The following NMRAL1 variants were observed in gnomAD, a reference collection of about 807,000 sequenced individuals.
The protein encoded by NMRAL1 is NmrA like redox sensor 1, also known as nmrA-like family domain-containing protein 1.
Under a neutral mutation model 27.5 loss-of-function variants are expected in NMRAL1, and 32 were observed. The ratio of observed to expected loss-of-function variants is 1.16; its 90% CI spans 0.88 to 1.56. The LOEUF is 1.56. Ranked by LOEUF, NMRAL1 falls within the 40% of genes most tolerant of loss-of-function variation. The probability of loss-of-function intolerance (pLI) is 0.00; values close to 1 mark genes in which losing one functional copy is unlikely to be tolerated. For missense variants in NMRAL1, 420 were observed against 392.0 expected (o/e 1.07, Z -0.60); for synonymous variants, 166 against 166.8 (o/e 1.00, Z 0.04).
rs753803530 is a variant in NMRAL1, at chr16:4,466,372, G to C, written c.310C>G (p.Leu104Val). The C allele has an allele frequency of 6.2e-7, 1 of 1,613,100 alleles. No individual in the cohort carries two copies. The highest frequency in any genetic ancestry group is 8.5e-7 in the Non-Finnish European group (1 of 1,180,010). Reference sequence around the variant, plus strand: ...CTGTAGACCACATAGTGGAGGCCCAGGCGCCTGGCCAGATCAGCGAGCAGC... The same window carrying C: ...CTGTAGACCACATAGTGGAGGCCCACGCGCCTGGCCAGATCAGCGAGCAGC... ...GKLLADLARR[L>V]GLHYVVYSGL... The change falls in exon 4 of 6, where the codon CTG becomes GTG. Residue 104 changes from leucine to valine, a missense_variant. Physicochemically the swap from Leu to Val is conservative, Grantham distance 32. Coordinates refer to ENST00000283429, the MANE Select transcript of NMRAL1 (RefSeq NM_020677.6).
chr16:4,472,159 C>T (rs10438587), intron 2 of NMRAL1, among the ~76,000 whole-genome samples: 17,605 of 152,056 alleles, frequency 0.12, 2,136 homozygotes, highest in African/African-American at 0.3. Flanking sequence ...CATCCACTGA[C>T]GAATGGACAA....
At chr16:4,469,628 G>A in intron 2 of NMRAL1, 163 bp from the exon 3 acceptor site, 1 of 1,389,094 alleles carries the variant, frequency 7.2e-7, no homozygotes, top group South Asian at 1.5e-5. Context: ...TTATTTTTTT[G>A]AGATGGAGTC....
chr16:4,468,075 G>A (rs1231561399), intron 3 of NMRAL1, among the ~76,000 whole-genome samples: 1 of 150,704 alleles, frequency 6.6e-6, no homozygotes, highest in African/African-American at 2.4e-5. Flanking sequence ...CGAGGCAGGC[G>A]GATCGCCTGA....
chr16:4,473,981 C>A (rs2057709783), intron 2 of NMRAL1, 112 bp downstream of exon 2: 2 of 766,124 alleles, frequency 2.6e-6, no homozygotes, highest in African/African-American at 3.6e-5. Flanking sequence ...ACAGCCCCAA[C>A]CTGGGTCGGG....
At chr16:4,472,275 C>G (rs2057596803) in intron 2 of NMRAL1, among the ~76,000 whole-genome samples, 1 of 151,988 alleles carries the variant, frequency 6.6e-6, no homozygotes, top group African/African-American at 2.4e-5. Context: ...AACCCCGTCT[C>G]TACTAAAAAA....
At chr16:4,474,412 G>A in intron 1 of NMRAL1, 142 bp downstream of exon 1, 1 of 457,780 alleles carries the variant, frequency 2.2e-6, no homozygotes, top group South Asian at 2.7e-5. Context: ...GGTCCCACCG[G>A]CTGGAGTGAC....
chr16:4,470,387 T>C (rs1161499815), intron 2 of NMRAL1, among the ~76,000 whole-genome samples: 5 of 150,804 alleles, frequency 3.3e-5, no homozygotes, highest in African/African-American at 1.2e-4. Flanking sequence ...GGAGAATCGC[T>C]TGAACCCAGG....
At chr16:4,473,041 T>C (rs559637850) in intron 2 of NMRAL1, among the ~76,000 whole-genome samples, 17 of 141,812 alleles carry the variant, frequency 1.2e-4, no homozygotes, top group Non-Finnish European at 2.3e-4. Context: ...AGTGGCACAA[T>C]CAGGTCACTG....
At chr16:4,470,240 G>C (rs1000293974) in intron 2 of NMRAL1, among the ~76,000 whole-genome samples, 1 of 150,880 alleles carries the variant, frequency 6.6e-6, no homozygotes, top group Admixed American at 6.6e-5. Flanking sequence ...GAGGCCGAGG[G>C]GGGTAGATCA....
intron 5 of NMRAL1, chr16:4,463,332 G>C (rs1377419416): frequency 2.5e-6 from 1 of 406,834 alleles, no homozygotes; most frequent in Non-Finnish European, 4.4e-6. Context: ...ACAGGGGAGG[G>C]GTCGGGTCTA....
chr16:4,472,492 C>G (rs1027930584), intron 2 of NMRAL1, among the ~76,000 whole-genome samples: 3 of 151,930 alleles, frequency 2.0e-5, no homozygotes, highest in African/African-American at 7.3e-5. Flanking sequence ...AGCCTCTAAT[C>G]CCAGCACTTT....
chr16:4,467,392 C>G lies in NMRAL1; in HGVS notation c.280-990G>C, dbSNP rs549780570. On this transcript the variant is annotated intron_variant, in intron 3 of 5. Transcript: ENST00000283429. ...GGGACTACAGGTGCCCGCCACCATG[C>G]CTGGCTAATTTTTGTATTTTTTGTA... is the stretch of plus-strand genomic sequence containing the variant. 4.4e-3 allele frequency among the ~76,000 whole-genome samples: 676 copies of G among 151,978 alleles called. 5 individuals are homozygous for G. The highest frequency in any genetic ancestry group is 6.4e-3 in the Non-Finnish European group (433 of 67,990).
In NMRAL1 at chr16:4,466,158, AAGT is replaced by A. The variant is rs749284222; in HGVS notation, c.521_523del (p.Tyr174del). 1.2e-6 allele frequency: 2 copies of A among 1,614,166 alleles called. No homozygotes were observed. Among genetic ancestry groups the A allele is most frequent in the South Asian group, 2.2e-5 (2 of 91,082 alleles). On this transcript the variant is annotated inframe_deletion, in exon 4 of 6. Coordinates refer to ENST00000283429, the MANE Select transcript of NMRAL1 (RefSeq NM_020677.6). ...GTGCGAGAAAGGGCACTTACTCAGC[AAGT>A]AGCTCTTTCCGTCTGGGGCTTTCTG...
chr16:4,461,986 C>T (rs770499447), intron 5 of NMRAL1, 27 bp from the exon 6 acceptor site: 33 of 1,590,808 alleles, frequency 2.1e-5, no homozygotes, highest in Admixed American at 1.2e-4. Context: ...CTGTCGTGGC[C>T]GGCGTCCTCC....
Position 4,463,856 on chromosome 16 carries a change from G to A in NMRAL1, c.530-6C>T. The A allele has an allele frequency of 6.2e-7, 1 of 1,611,184 alleles. No homozygotes were observed. Among genetic ancestry groups the A allele is most frequent in the Non-Finnish European group, 8.5e-7 (1 of 1,178,080 alleles). ...AACGTCACCTGTGGGCAAGCCTGTG[G>A]GGCAGAGACGTGAGCTGGTATATGT... On this transcript the variant is annotated splice_polypyrimidine_tract_variant and splice_region_variant and intron_variant, in intron 4 of 5. Coordinates refer to ENST00000283429, the MANE Select transcript of NMRAL1 (RefSeq NM_020677.6).
At chr16:4,467,663 A>C (rs2057380048) in intron 3 of NMRAL1, among the ~76,000 whole-genome samples, 1 of 151,684 alleles carries the variant, frequency 6.6e-6, no homozygotes, top group Admixed American at 6.6e-5. Flanking sequence ...TCTGTCGCTC[A>C]GGCCGGAGTG....
Position 4,469,396 on chromosome 16 carries a change from C to T in NMRAL1, c.110G>A (p.Arg37Gln), listed in dbSNP as rs143521179. Residue 37 changes from arginine (R) to glutamine (Q), a missense_variant, in exon 3 of 6, where the codon CGA becomes CAA. Transcript: ENST00000283429. Reference sequence around the variant, plus strand: ...CTTTGCTGCCTTCTTCCTAGGGTTTCGGGTCACCACTCGAACCTTGAATGT... The same window carrying T: ...CTTTGCTGCCTTCTTCCTAGGGTTTTGGGTCACCACTCGAACCTTGAATGT... ...DGTFKVRVVT[R>Q]NPRKKAAKEL... 205 of 1,614,114 alleles carry T rather than the reference C, an allele frequency of 1.3e-4. No homozygotes were observed. Among genetic ancestry groups the T allele is most frequent in the Non-Finnish European group, 1.5e-4 (180 of 1,180,010 alleles).
At position 4,463,856 on chromosome 16, in the gene NMRAL1, G is replaced by C; in HGVS notation, c.530-6C>G. The C allele has an allele frequency of 6.2e-7, 1 of 1,611,184 alleles. No homozygotes were observed. The highest frequency in any genetic ancestry group is 1.3e-5 in the African/African-American group (1 of 74,980). On this transcript the variant is annotated splice_polypyrimidine_tract_variant and splice_region_variant and intron_variant, in intron 4 of 5. Coordinates refer to ENST00000283429, the MANE Select transcript of NMRAL1 (RefSeq NM_020677.6). ...AACGTCACCTGTGGGCAAGCCTGTG[G>C]GGCAGAGACGTGAGCTGGTATATGT...
chr16:4,465,452 G>A (rs2057285454), intron 4 of NMRAL1, among the ~76,000 whole-genome samples: 1 of 152,226 alleles, frequency 6.6e-6, no homozygotes, highest in South Asian at 2.1e-4. Context: ...CACCTAACCT[G>A]TTTATAGCCC....
Sources: gnomAD v4.1 joint callset for allele counts (sites outside exome capture counted in the v4.1 genomes callset) on GRCh38, gnomAD v4.1.1 for gene constraint, MANE v1.5 for transcripts, NCBI Gene and HGNC (gene_info 2026-07-23, HGNC 2026-07-21) for gene names.